Variants in GDA observed in about 807,000 individuals in gnomAD.
GDA encodes the protein cytoplasmic PSD-95 interactor.
In GDA, 18 loss-of-function variants were observed where a neutral mutation model predicts 59.6. That is an observed-to-expected ratio of 0.30 (90% CI 0.21 to 0.45). The LOEUF (loss-of-function observed/expected upper bound fraction) is 0.45, where lower values mean the gene tolerates loss of function less well. GDA is among the 20% of genes least tolerant of loss of function. The pLI is 1.00. For synonymous variants in GDA, 201 were observed against 201.1 expected (o/e 1.00, Z 0.00); for missense variants, 427 against 552.3 (o/e 0.77, Z 2.27).
rs562123516 is a variant in GDA, at chr9:72,197,069, C to T, written c.212+1481C>T. Among the ~76,000 whole-genome samples, 28 of 152,180 alleles carry T rather than the reference C, an allele frequency of 1.8e-4. No homozygotes were observed. The South Asian group carries it at 4.8e-3, about 26-fold the overall frequency. On this transcript the variant is annotated intron_variant, in intron 2 of 13. Transcript: ENST00000358399. ...CGTAATATAGAGAAACACTGTTTCA[C>T]GTAATAGAGGAACATTGAACTAGGA...
chr9:72,206,784 T>G, intron 3 of GDA, among the ~76,000 whole-genome samples: 1 of 151,798 alleles, frequency 6.6e-6, no homozygotes, highest in East Asian at 1.9e-4. Context: ...TAATAATAAT[T>G]ATTATAATTA....
chr9:72,178,901 C>T (rs1006341438), intron 1 of GDA, among the ~76,000 whole-genome samples: 6 of 152,186 alleles, frequency 3.9e-5, no homozygotes, highest in African/African-American at 1.4e-4. Flanking sequence ...TTTTCTGATA[C>T]ATAATATTTG....
intron 1 of GDA, among the ~76,000 whole-genome samples, chr9:72,160,178 C>T (rs932556784): frequency 3.3e-5 from 5 of 152,038 alleles, no homozygotes; most frequent in Non-Finnish European, 5.9e-5. Context: ...GGCATGGTGG[C>T]GGGCGCCTGT....
chr9:72,209,124 T>G (rs1315368207), intron 3 of GDA, among the ~76,000 whole-genome samples: 1 of 151,982 alleles, frequency 6.6e-6, no homozygotes, highest in African/African-American at 2.4e-5. Context: ...TTTTAGCATC[T>G]TTTCTGTACT....
intron 1 of GDA, among the ~76,000 whole-genome samples, chr9:72,138,428 T>A (rs542189202): frequency 6.6e-6 from 1 of 152,348 alleles, no homozygotes; most frequent in Admixed American, 6.5e-5. Flanking sequence ...TGAAAATCAC[T>A]GCCCCAGACC....
intron 3 of GDA, among the ~76,000 whole-genome samples, chr9:72,206,046 G>T (rs974354007): frequency 2.0e-5 from 3 of 152,052 alleles, no homozygotes; most frequent in Non-Finnish European, 4.4e-5. Flanking sequence ...TTACATATCC[G>T]TTTTAATTTT....
chr9:72,194,934 T>C (rs77016144), intron 1 of GDA, among the ~76,000 whole-genome samples: 1,634 of 152,270 alleles, frequency 0.011, 36 homozygotes, highest in African/African-American at 0.038. Context: ...CGGTGGCTCA[T>C]AATTGCTATG....
upstream of GDA, among the ~76,000 whole-genome samples, chr9:72,149,108 C>A (rs1826828428): frequency 6.6e-6 from 1 of 152,206 alleles, no homozygotes. Context: ...GCTGACCTTT[C>A]ACCTGTGCCT....
chr9:72,223,918 A>T (rs899379254), intron 7 of GDA, among the ~76,000 whole-genome samples: 5 of 152,188 alleles, frequency 3.3e-5, no homozygotes, highest in Non-Finnish European at 7.4e-5. Flanking sequence ...CAACACATTG[A>T]TTCTTTACCA....
intron 10 of GDA, among the ~76,000 whole-genome samples, chr9:72,236,692 G>A (rs543358599): frequency 6.6e-6 from 1 of 151,892 alleles, no homozygotes; most frequent in South Asian, 2.1e-4. Context: ...TGTATCATCA[G>A]TGTCTCCTTC....
intron 1 of GDA, among the ~76,000 whole-genome samples, chr9:72,194,428 C>T (rs1832910986): frequency 6.6e-6 from 1 of 152,164 alleles, no homozygotes; most frequent in Non-Finnish European, 1.5e-5. Flanking sequence ...CCTGGAAAGA[C>T]AGTCTCACAC....
intron 1 of GDA, among the ~76,000 whole-genome samples, chr9:72,137,548 A>G (rs1038139169): frequency 2.6e-5 from 4 of 151,948 alleles, no homozygotes. Context: ...GCCTGGCCCT[A>G]AGATCCTTTT....
chr9:72,231,185 A>C lies in GDA; in HGVS notation c.988+4A>C. The C allele has an allele frequency of 6.6e-7, 1 of 1,508,454 alleles. No homozygotes were observed. Among genetic ancestry groups the C allele is most frequent in the Non-Finnish European group, 9.2e-7 (1 of 1,083,906 alleles). The allele number at this position is 1,508,454 out of a possible 1,614,324, so 93.4% of individuals were successfully genotyped here. ...GTCAAGATAGGGCTGGGTACAGGTTAGTAGTTCACCATTTGGAGCTATGGC... is the reference window on the plus strand; with the variant it reads ...GTCAAGATAGGGCTGGGTACAGGTTCGTAGTTCACCATTTGGAGCTATGGC... On this transcript the variant is annotated splice_donor_region_variant and intron_variant, in intron 10 of 13. Coordinates refer to ENST00000358399, the MANE Select transcript of GDA (RefSeq NM_004293.5).
chr9:72,168,688 A>G (rs1829614083), intron 1 of GDA, among the ~76,000 whole-genome samples: 1 of 152,156 alleles, frequency 6.6e-6, no homozygotes, highest in Non-Finnish European at 1.5e-5. Flanking sequence ...CAAACAAATG[A>G]AGAATGTATA....
chr9:72,160,486 T>C (rs1309641185), intron 1 of GDA, among the ~76,000 whole-genome samples: 1 of 152,230 alleles, frequency 6.6e-6, no homozygotes, highest in Non-Finnish European at 1.5e-5. Flanking sequence ...ATATAATACA[T>C]AACCTTTTGT....
chr9:72,247,299 G>C, intron 12 of GDA, 107 bp from the exon 13 acceptor site: 1 of 783,886 alleles, frequency 1.3e-6, no homozygotes, highest in Non-Finnish European at 2.3e-6. Context: ...TTTTGCCATT[G>C]AGAAACAAAT....
intron 1 of GDA, among the ~76,000 whole-genome samples, chr9:72,116,716 A>T (rs1461996687): frequency 6.6e-6 from 1 of 151,792 alleles, no homozygotes; most frequent in East Asian, 1.9e-4. Context: ...ATGATCTCTG[A>T]TTTTTCAGAA....
At chr9:72,242,825 G>T (rs556131845) in intron 11 of GDA, among the ~76,000 whole-genome samples, 1 of 152,246 alleles carries the variant, frequency 6.6e-6, no homozygotes, top group South Asian at 2.1e-4. Context: ...AGTTTGAGTA[G>T]TTATTCTACC....
In GDA at chr9:72,250,355, AT is replaced by A. The variant is rs1840564817; in HGVS notation, c.*2014del. ...CAGTTTTCATGTAGACTTAGGACTC[AT>A]GTGCAGTAAATATAAATAAGTGTAG... is the stretch of plus-strand genomic sequence containing the variant. On this transcript the variant is annotated 3_prime_UTR_variant, in exon 14 of 14. Coordinates refer to ENST00000358399, the MANE Select transcript of GDA (RefSeq NM_004293.5). 1 of 1,086,202 alleles carries A rather than the reference AT, an allele frequency of 9.2e-7. No homozygotes were observed. 67.3% of individuals were successfully genotyped at this position (1,086,202 alleles called of 1,614,324 possible). A position where few individuals can be genotyped will look rare whatever the true frequency, so the allele number is the denominator to read the frequency against.
Sources: gnomAD v4.1 joint callset for allele counts (sites outside exome capture counted in the v4.1 genomes callset) on GRCh38, gnomAD v4.1.1 for gene constraint, MANE v1.5 for transcripts, NCBI Gene and HGNC (gene_info 2026-07-23, HGNC 2026-07-21) for gene names.